MAST4: variants seen among roughly 807,000 people sequenced by gnomAD.
MAST4 encodes microtubule associated serine/threonine kinase family member 4, also known as microtubule-associated serine/threonine-protein kinase 4.
A neutral mutation model predicts 162.7 loss-of-function variants in MAST4; 89 were observed. That is an observed-to-expected ratio of 0.55 (90% CI 0.46 to 0.65). The LOEUF (loss-of-function observed/expected upper bound fraction) is 0.65. Among genes scored for constraint, MAST4 ranks in the 30% least tolerant of loss-of-function variants. MAST4 has a pLI of 0.00. For synonymous variants in MAST4, 1,479 were observed against 1,361.1 expected (o/e 1.09, Z -1.91); for missense variants, 3,153 against 3,374.0 (o/e 0.93, Z 1.62).
intron 4 of MAST4, among the ~76,000 whole-genome samples, chr5:66,951,090 G>A (rs887136571): frequency 1.3e-5 from 2 of 152,198 alleles, no homozygotes; most frequent in Admixed American, 6.5e-5. Context: ...GTTATTACAA[G>A]CAGTGCTACT....
intron 14 of MAST4, among the ~76,000 whole-genome samples, chr5:67,124,183 C>G (rs1767913877): frequency 6.6e-6 from 1 of 152,176 alleles, no homozygotes; most frequent in African/African-American, 2.4e-5. Flanking sequence ...GTTACGTCTT[C>G]CCTGCCCCTC....
chr5:66,989,188 C>T (rs778629825), intron 4 of MAST4, among the ~76,000 whole-genome samples: 2 of 152,078 alleles, frequency 1.3e-5, no homozygotes, highest in Non-Finnish European at 2.9e-5. Context: ...GTTTCTAGGA[C>T]CTTCACGTTG....
At chr5:66,955,188 G>A (rs1287907145) in intron 4 of MAST4, among the ~76,000 whole-genome samples, 1 of 150,976 alleles carries the variant, frequency 6.6e-6, no homozygotes, top group Non-Finnish European at 1.5e-5. Context: ...CTCCAGCCTG[G>A]GCGACAGAGT....
chr5:66,986,355 TAC>T (rs756385043), intron 4 of MAST4: 1 of 893,906 alleles, frequency 1.1e-6, no homozygotes, highest in Non-Finnish European at 1.7e-6. Flanking sequence ...CATATGTTGT[TAC>T]ACAGAGAAAT....
intron 4 of MAST4, among the ~76,000 whole-genome samples, chr5:66,910,029 T>TA (rs1268704539): frequency 6.6e-6 from 1 of 152,176 alleles, no homozygotes; most frequent in East Asian, 1.9e-4. Flanking sequence ...CAGTCTTGGG[T>TA]ATGTCTTTAT....
chr5:66,740,779 A>T (rs1029266334), intron 1 of MAST4, among the ~76,000 whole-genome samples: 1 of 152,166 alleles, frequency 6.6e-6, no homozygotes, highest in Non-Finnish European at 1.5e-5. Context: ...TGGCTGGGTG[A>T]CAGTGCTGGT....
chr5:66,973,629 A>G (rs1189115688), intron 4 of MAST4, among the ~76,000 whole-genome samples: 4 of 152,166 alleles, frequency 2.6e-5, no homozygotes, highest in South Asian at 2.1e-4. Flanking sequence ...TTTAGTCCAT[A>G]TGAATATACT....
chr5:66,951,773 T>G (rs1744736667), intron 4 of MAST4, among the ~76,000 whole-genome samples: 1 of 152,078 alleles, frequency 6.6e-6, no homozygotes, highest in Non-Finnish European at 1.5e-5. Context: ...CTGTCATGAA[T>G]CCTTTCCACA....
chr5:66,669,397 C>G (rs1747469127), intron 1 of MAST4, among the ~76,000 whole-genome samples: 1 of 152,180 alleles, frequency 6.6e-6, no homozygotes, highest in African/African-American at 2.4e-5. Flanking sequence ...TTCCACACAG[C>G]TCCTTTTCTT....
At chr5:66,807,648 T>C (rs1425949056) in intron 3 of MAST4, among the ~76,000 whole-genome samples, 8 of 152,220 alleles carry the variant, frequency 5.3e-5, no homozygotes, top group Non-Finnish European at 1.0e-4. Context: ...CTCATTCCTC[T>C]AATTCTCTGT....
At chr5:66,902,925 C>A (rs1406851829) in intron 4 of MAST4, among the ~76,000 whole-genome samples, 1 of 152,140 alleles carries the variant, frequency 6.6e-6, no homozygotes, top group Non-Finnish European at 1.5e-5. Context: ...CCCCTCCTTC[C>A]AGCTACCTGT....
intron 4 of MAST4, among the ~76,000 whole-genome samples, chr5:67,006,101 A>C (rs1470706703): frequency 6.6e-6 from 1 of 152,172 alleles, no homozygotes; most frequent in Non-Finnish European, 1.5e-5. Context: ...TTTCCTTTTG[A>C]AGTTTTTCAT....
intron 22 of MAST4, 148 bp downstream of exon 22, chr5:67,144,944 G>A: frequency 1.8e-6 from 2 of 1,086,918 alleles, no homozygotes; most frequent in Non-Finnish European, 2.6e-6. Context: ...CTAGGGTAGG[G>A]CCTGAAAATG....
At chr5:66,909,649 C>T (rs1047756781) in intron 4 of MAST4, among the ~76,000 whole-genome samples, 1 of 152,138 alleles carries the variant, frequency 6.6e-6, no homozygotes, top group Non-Finnish European at 1.5e-5. Context: ...TGGCAAGCAG[C>T]CTTTACTTTT....
intron 1 of MAST4, among the ~76,000 whole-genome samples, chr5:66,671,068 C>G (rs911273139): frequency 6.6e-6 from 1 of 152,016 alleles, no homozygotes; most frequent in African/African-American, 2.4e-5. Flanking sequence ...GTGTGTGTGC[C>G]ATTTCATAGT....
chr5:67,073,332 T>C (rs1409290548), intron 5 of MAST4, among the ~76,000 whole-genome samples: 1 of 152,202 alleles, frequency 6.6e-6, no homozygotes. Flanking sequence ...TTCTTATTAT[T>C]GCATTGTTTC....
At chr5:66,902,800 CTCT>C in intron 4 of MAST4, 1 of 409,536 alleles carries the variant, frequency 2.4e-6, no homozygotes, top group Non-Finnish European at 4.9e-6. Flanking sequence ...TTAGCTATTT[CTCT>C]TCTTTTTCCA....
At chr5:66,789,856 CTA>C (rs1458318699) in intron 3 of MAST4, 5 of 465,208 alleles carry the variant, frequency 1.1e-5, no homozygotes, top group Non-Finnish European at 2.2e-5. Flanking sequence ...TCACTCTTTT[CTA>C]TGTTTGAAAA....
intron 5 of MAST4, among the ~76,000 whole-genome samples, chr5:67,085,547 C>A (rs1581502958): frequency 6.6e-6 from 1 of 152,150 alleles, no homozygotes; most frequent in Admixed American, 6.5e-5. Flanking sequence ...ACAGGAAAAA[C>A]CAAAGATTCA....
Sources: allele counts gnomAD v4.1 joint callset (sites outside exome capture counted in the v4.1 genomes callset), GRCh38; gene constraint gnomAD v4.1.1; transcripts MANE v1.5; gene names NCBI Gene and HGNC (gene_info 2026-07-23, HGNC 2026-07-21).